Variants in RGS7 observed in about 807,000 individuals in gnomAD.
The protein encoded by RGS7 is regulator of G protein signaling 7, also known as regulator of G-protein signaling 7.
Under a neutral mutation model 81.1 loss-of-function variants are expected in RGS7, and 27 were observed. That is an observed-to-expected ratio of 0.33 (90% CI 0.25 to 0.46). RGS7 has a LOEUF of 0.46. Ranked by LOEUF, RGS7 falls within the 20% of genes least tolerant of loss-of-function variation. The probability of loss-of-function intolerance (pLI) is 1.00; values close to 1 mark genes in which losing one functional copy is unlikely to be tolerated. For synonymous variants in RGS7, 208 were observed against 207.7 expected (o/e 1.00, Z -0.01); for missense variants, 396 against 607.4 (o/e 0.65, Z 3.66).
intron 6 of RGS7, among the ~76,000 whole-genome samples, chr1:240,891,473 T>C (rs999600333): frequency 4.6e-5 from 7 of 152,196 alleles, no homozygotes; most frequent in African/African-American, 1.4e-4. Flanking sequence ...CTCTCTATAA[T>C]GCATCTATTT....
Position 240,841,005 on chromosome 1 carries a change from C to T in RGS7, c.610-13833G>A, listed in dbSNP as rs374148529. On this transcript the variant is annotated intron_variant, in intron 9 of 18. Transcript: ENST00000440928. ...TGGTACCTATAACTTAACCTCTTGG[C>T]CGACTGATCATCACCTCTCATTATT... is the stretch of plus-strand genomic sequence containing the variant. 7.9e-5 allele frequency among the ~76,000 whole-genome samples: 12 copies of T among 152,250 alleles called. No individual in the cohort carries two copies. In the South Asian group the frequency reaches 1.2e-3, roughly 16 times the overall value.
intron 3 of RGS7, among the ~76,000 whole-genome samples, chr1:241,080,315 A>G (rs2063060794): frequency 6.6e-6 from 1 of 152,114 alleles, no homozygotes; most frequent in Non-Finnish European, 1.5e-5. Flanking sequence ...TAAAGAGTGT[A>G]AAAGGCTATA....
chr1:241,275,158 C>T (rs1370384983), intron 2 of RGS7, among the ~76,000 whole-genome samples: 2 of 152,038 alleles, frequency 1.3e-5, no homozygotes, highest in African/African-American at 2.4e-5. Flanking sequence ...ATAGCTGGCC[C>T]CTGTTCAGCT....
intron 2 of RGS7, among the ~76,000 whole-genome samples, chr1:241,174,939 G>A (rs1443630103): frequency 2.7e-5 from 3 of 110,926 alleles, no homozygotes; most frequent in African/African-American, 1.1e-4. Flanking sequence ...GTCCCGAACT[G>A]TCACCTGAGC....
rs1254125979 is a variant in RGS7, at chr1:241,356,940, G to C, written c.-92C>G. ...ACGGCCCCGCGGCGTCTCCCCTCCC[G>C]GGCGGGCTGGGTGCAGGCGGTGTCA... is the stretch of plus-strand genomic sequence containing the variant. On this transcript the variant is annotated 5_prime_UTR_variant, in exon 1 of 19. Transcript: ENST00000440928. 2 of 152,270 alleles carry C rather than the reference G, an allele frequency of 1.3e-5. No individual in the cohort carries two copies. The highest frequency in any genetic ancestry group is 2.9e-5 in the Non-Finnish European group (2 of 68,258). The allele number at this position is 152,270 out of a possible 1,614,324, so 9.4% of individuals were successfully genotyped here.
intron 6 of RGS7, among the ~76,000 whole-genome samples, chr1:240,875,212 T>C (rs1665183551): frequency 6.6e-6 from 1 of 152,190 alleles, no homozygotes; most frequent in African/African-American, 2.4e-5. Context: ...CAGGCCCTGG[T>C]AATCACCATT....
chr1:241,136,685 T>C (rs2067542521), intron 2 of RGS7, among the ~76,000 whole-genome samples: 1 of 152,184 alleles, frequency 6.6e-6, no homozygotes, highest in African/African-American at 2.4e-5. Flanking sequence ...GATTACGTGT[T>C]TTGTTCCTAC....
intron 6 of RGS7, among the ~76,000 whole-genome samples, chr1:240,922,016 C>CGAGGCA (rs1392629949): frequency 6.6e-6 from 1 of 151,502 alleles, no homozygotes; most frequent in Non-Finnish European, 1.5e-5. Context: ...CTATAGTAAT[C>CGAGGCA]GAGGCAGTGT....
intron 9 of RGS7, among the ~76,000 whole-genome samples, chr1:240,841,181 T>A (rs1288309758): frequency 1.3e-5 from 2 of 152,224 alleles, no homozygotes; most frequent in Non-Finnish European, 2.9e-5. Flanking sequence ...AGCAGATTGC[T>A]TCCAGATTTG....
At chr1:240,984,447 G>C (rs1309795515) in intron 3 of RGS7, among the ~76,000 whole-genome samples, 1 of 152,108 alleles carries the variant, frequency 6.6e-6, no homozygotes, top group Non-Finnish European at 1.5e-5. Flanking sequence ...TTATAAGTAG[G>C]AGAGATTAAA....
At chr1:240,897,832 G>A (rs1027477910) in intron 6 of RGS7, among the ~76,000 whole-genome samples, 2 of 152,096 alleles carry the variant, frequency 1.3e-5, no homozygotes, top group Non-Finnish European at 2.9e-5. Context: ...TTTTTCTATT[G>A]ATTGGAATAG....
chr1:241,204,825 A>G (rs1417195790), intron 2 of RGS7, among the ~76,000 whole-genome samples: 2 of 152,112 alleles, frequency 1.3e-5, no homozygotes, highest in Non-Finnish European at 2.9e-5. Flanking sequence ...ATATAGTTAA[A>G]CAGTATCGAT....
Position 240,998,623 on chromosome 1 carries a change from C to T in RGS7, c.176-15494G>A, listed in dbSNP as rs532620804. The T allele has an allele frequency of 1.4e-5, 13 of 903,412 alleles. No homozygotes were observed. In the South Asian group the frequency reaches 1.7e-4, roughly 12 times the overall value. The allele number at this position is 903,412 out of a possible 1,614,324, so 56.0% of individuals were successfully genotyped here. A position where few individuals can be genotyped will look rare whatever the true frequency, so the allele number is the denominator to read the frequency against. ...ACCAGCCCCTACATTGCAGAGGAGG[C>T]TCCCCATGTTGACTTTGGCCAGGCC... is the stretch of plus-strand genomic sequence containing the variant. On this transcript the variant is annotated intron_variant, in intron 3 of 18. Coordinates refer to ENST00000440928, the MANE Select transcript of RGS7 (RefSeq NM_001364886.1).
At chr1:241,241,086 C>G (rs1309933477) in intron 2 of RGS7, among the ~76,000 whole-genome samples, 1 of 152,104 alleles carries the variant, frequency 6.6e-6, no homozygotes, top group African/African-American at 2.4e-5. Flanking sequence ...GTTTGCTGCC[C>G]TCCAGGTCTT....
At chr1:241,057,494 G>A (rs2061530755) in intron 3 of RGS7, among the ~76,000 whole-genome samples, 1 of 152,224 alleles carries the variant, frequency 6.6e-6, no homozygotes, top group African/African-American at 2.4e-5. Flanking sequence ...TGAGGAGAAT[G>A]AGGCAGAGAG....
intron 7 of RGS7, 45 bp downstream of exon 7, chr1:240,870,010 T>G (rs763542956): frequency 1.3e-6 from 2 of 1,486,886 alleles, no homozygotes; most frequent in Admixed American, 3.3e-5. Context: ...GCCTTACTGC[T>G]GTGCATTCTA....
chr1:241,056,106 A>T (rs986219192), intron 3 of RGS7, among the ~76,000 whole-genome samples: 4 of 152,130 alleles, frequency 2.6e-5, no homozygotes, highest in African/African-American at 9.7e-5. Flanking sequence ...AAACCACACT[A>T]TACCTTGTTC....
intron 5 of RGS7, among the ~76,000 whole-genome samples, chr1:240,931,873 C>A (rs1675497750): frequency 6.6e-6 from 1 of 152,148 alleles, no homozygotes; most frequent in Non-Finnish European, 1.5e-5. Context: ...GCTAGCTGAA[C>A]ATGCTTGGCT....
rs1428675333 is a variant in RGS7 at position 241,114,339 on chromosome 1, TTCTC to T, written c.79-15581_79-15578del. ...GCTCGCTCTTTCTCTCTCTCTCTCT[TTCTC>T]TCTCTTTTTATTATAAAGCTTTCCC... On this transcript the variant is annotated intron_variant, in intron 2 of 18. Transcript: ENST00000440928. 4.7e-5 allele frequency among the ~76,000 whole-genome samples: 7 copies of T among 149,846 alleles called. No homozygotes were observed. The East Asian group carries it at 1.2e-3, about 25-fold the overall frequency.
Sources: allele counts gnomAD v4.1 joint callset (sites outside exome capture counted in the v4.1 genomes callset), GRCh38; gene constraint gnomAD v4.1.1; transcripts MANE v1.5; gene names NCBI Gene and HGNC (gene_info 2026-07-23, HGNC 2026-07-21).